Variants in CNST observed in about 807,000 individuals in gnomAD.
CNST encodes consortin.
In CNST, 39 loss-of-function variants were observed where a neutral mutation model predicts 72.4. That is an observed-to-expected ratio of 0.54 (90% CI 0.42 to 0.70). The LOEUF is 0.70. Ranked by LOEUF, CNST falls within the 30% of genes least tolerant of loss-of-function variation. CNST has a pLI of 0.00. For missense variants in CNST, 871 were observed against 868.5 expected (o/e 1.00, Z -0.04); for synonymous variants, 332 against 320.1 (o/e 1.04, Z -0.40).
intron 1 of CNST, among the ~76,000 whole-genome samples, chr1:246,581,087 C>T (rs1016328486): frequency 7.2e-5 from 11 of 151,952 alleles, no homozygotes; most frequent in Non-Finnish European, 1.5e-4. Context: ...ATCGAAATAT[C>T]CACTCACATC....
intron 8 of CNST, among the ~76,000 whole-genome samples, chr1:246,643,082 A>AGG (rs1456289032): frequency 1.3e-5 from 2 of 151,158 alleles, no homozygotes; most frequent in Non-Finnish European, 2.9e-5. Context: ...GTGGGTATGG[A>AGG]GGTCTCACTA....
chr1:246,608,690 G>A (rs1663093718), intron 2 of CNST, among the ~76,000 whole-genome samples: 4 of 152,148 alleles, frequency 2.6e-5, no homozygotes, highest in African/African-American at 9.7e-5. Context: ...CAAGGGATGG[G>A]GAGCCTTGGC....
chr1:246,634,747 G>A (rs35037617), intron 6 of CNST, among the ~76,000 whole-genome samples, 160 bp downstream of exon 6: 42,357 of 152,172 alleles, frequency 0.28, 6,668 homozygotes, highest in East Asian at 0.67. Context: ...CGAACCCCGG[G>A]AGCGCGCCAA....
chr1:246,574,091 G>A (rs997444668), intron 1 of CNST, among the ~76,000 whole-genome samples: 4 of 152,180 alleles, frequency 2.6e-5, no homozygotes, highest in Non-Finnish European at 4.4e-5. Context: ...CCAGGCTGGA[G>A]TGCAGTGGCG....
intron 2 of CNST, 51 bp from the exon 3 acceptor site, chr1:246,621,376 TAC>T: frequency 4.4e-6 from 6 of 1,368,472 alleles, no homozygotes; most frequent in Non-Finnish European, 5.2e-6. Context: ...TTTAATGTGT[TAC>T]ACCATCATGG....
chr1:246,579,296 T>G (rs1466012327), intron 1 of CNST, among the ~76,000 whole-genome samples: 1 of 152,212 alleles, frequency 6.6e-6, no homozygotes, highest in Non-Finnish European at 1.5e-5. Flanking sequence ...CTTTCCTGTT[T>G]CTGTTAAGTA....
Position 246,647,614 on chromosome 1 carries a change from G to C in CNST, c.1413G>C (p.Leu471Phe). 7 of 1,614,178 alleles carry C rather than the reference G, an allele frequency of 4.3e-6. No homozygotes were observed. Among genetic ancestry groups the C allele is most frequent in the Non-Finnish European group, 5.9e-6 (7 of 1,180,036 alleles). ...RLPLRDASEA[L>F]PTDQLENNEL... is the part of the protein sequence containing the mutation. ...CACTTCGGGATGCTTCTGAGGCGTT[G>C]CCCACAGACCAACTTGAGAACAATG... The change falls in exon 9 of 11, where the codon TTG becomes TTC. Residue 471 changes from leucine (L) to phenylalanine (F), a missense_variant. Coordinates refer to ENST00000366513, the MANE Select transcript of CNST (RefSeq NM_152609.3).
At chr1:246,581,169 A>T (rs538397574) in intron 1 of CNST, among the ~76,000 whole-genome samples, 1 of 152,248 alleles carries the variant, frequency 6.6e-6, no homozygotes, top group Non-Finnish European at 1.5e-5. Flanking sequence ...TTGCAATTGT[A>T]TGCTTTTCTT....
At chr1:246,568,266 A>G (rs1373386107) in intron 1 of CNST, among the ~76,000 whole-genome samples, 2 of 152,248 alleles carry the variant, frequency 1.3e-5, no homozygotes, top group African/African-American at 4.8e-5. Flanking sequence ...TGAGTCCTAG[A>G]AAAACTGATG....
chr1:246,646,125 C>G (rs960769276), intron 8 of CNST, among the ~76,000 whole-genome samples: 11 of 151,370 alleles, frequency 7.3e-5, no homozygotes, highest in African/African-American at 2.2e-4. Context: ...TAAAAAATAC[C>G]AAAAATTAGC....
At chr1:246,580,493 C>G (rs1660711045) in intron 1 of CNST, among the ~76,000 whole-genome samples, 1 of 151,984 alleles carries the variant, frequency 6.6e-6, no homozygotes, top group Non-Finnish European at 1.5e-5. Flanking sequence ...TTGCACTTCT[C>G]TGATTAGAAG....
intron 1 of CNST, among the ~76,000 whole-genome samples, chr1:246,581,591 G>T (rs1215658055): frequency 2.0e-5 from 3 of 152,150 alleles, no homozygotes; most frequent in Non-Finnish European, 4.4e-5. Flanking sequence ...ACGTAGTCTG[G>T]GTCCTTGTAA....
chr1:246,653,380 A>G (rs771626807), intron 9 of CNST, among the ~76,000 whole-genome samples: 4 of 152,232 alleles, frequency 2.6e-5, no homozygotes, highest in Admixed American at 1.3e-4. Context: ...CGCTTATGAA[A>G]TCACATTGGT....
intron 2 of CNST, chr1:246,607,182 G>A (rs1343850934): frequency 2.0e-5 from 3 of 151,908 alleles, no homozygotes; most frequent in African/African-American, 7.3e-5. Context: ...CCCTCTTACT[G>A]GGTTGGTAAG....
At chr1:246,656,913 G>A (rs1438137107) in intron 9 of CNST, among the ~76,000 whole-genome samples, 7 of 152,166 alleles carry the variant, frequency 4.6e-5, no homozygotes, top group Admixed American at 4.6e-4. Context: ...CTGGGCAACA[G>A]AGTGCGACCC....
chr1:246,575,973 G>A lies in CNST; in HGVS notation c.-52+9310G>A, dbSNP rs371057909. Among the ~76,000 whole-genome samples the A allele has an allele frequency of 2.6e-4, 39 of 151,546 alleles. No individual in the cohort carries two copies. In the East Asian group the frequency reaches 7.3e-3, roughly 29 times the overall value. ...GGGCGCGGTGGCTCGCGCCTGTAAC[G>A]CCTGTAATCCCAGCACTTTGGGAGG... On this transcript the variant is annotated intron_variant, in intron 1 of 10. Coordinates refer to ENST00000366513, the MANE Select transcript of CNST (RefSeq NM_152609.3).
chr1:246,632,018 G>A (rs1664803744), intron 4 of CNST, 94 bp downstream of exon 4: 1 of 767,888 alleles, frequency 1.3e-6, no homozygotes, highest in Non-Finnish European at 2.2e-6. Flanking sequence ...GTAATAGAAT[G>A]TACAGATCAT....
At chr1:246,628,540 T>G (rs1572202108) in intron 3 of CNST, among the ~76,000 whole-genome samples, 1 of 152,242 alleles carries the variant, frequency 6.6e-6, no homozygotes, top group East Asian at 1.9e-4. Flanking sequence ...TGTTCTTAGG[T>G]ATGAGTGGTC....
At chr1:246,625,339 C>T (rs1664341358) in intron 3 of CNST, among the ~76,000 whole-genome samples, 1 of 151,352 alleles carries the variant, frequency 6.6e-6, no homozygotes, top group Non-Finnish European at 1.5e-5. Context: ...TTCTTTCTTT[C>T]ACACTGACAT....
Sources: allele counts gnomAD v4.1 joint callset (sites outside exome capture counted in the v4.1 genomes callset), GRCh38; gene constraint gnomAD v4.1.1; transcripts MANE v1.5; gene names NCBI Gene and HGNC (gene_info 2026-07-23, HGNC 2026-07-21).